WDR25: variants seen among roughly 807,000 people sequenced by gnomAD.
The protein encoded by WDR25 is WD repeat domain 25.
A neutral mutation model predicts 47.7 loss-of-function variants in WDR25; 35 were observed. The observed-to-expected ratio is 0.73, with a 90% CI of 0.56 to 0.97. WDR25 has a LOEUF of 0.97. WDR25 is among the 50% of genes least tolerant of loss of function. The pLI is 0.00. For missense variants in WDR25, 634 were observed against 704.7 expected (o/e 0.90, Z 1.14); for synonymous variants, 248 against 278.9 (o/e 0.89, Z 1.10).
chr14:100,476,402 C>G, intron 3 of WDR25: 1 of 152,276 alleles, frequency 6.6e-6, no homozygotes. Flanking sequence ...ATGAGTGTAA[C>G]GATATTGATT....
chr14:100,473,019 C>T (rs375334920), intron 3 of WDR25, among the ~76,000 whole-genome samples: 1 of 152,262 alleles, frequency 6.6e-6, no homozygotes, highest in Non-Finnish European at 1.5e-5. Flanking sequence ...TGGGACTGGG[C>T]TCATAAATGA....
At chr14:100,391,752 A>G (rs1009775201) in intron 2 of WDR25, among the ~76,000 whole-genome samples, 3 of 152,118 alleles carry the variant, frequency 2.0e-5, no homozygotes, top group African/African-American at 7.2e-5. Context: ...TTAATGCTGT[A>G]ATTTATTGCT....
chr14:100,487,903 C>T (rs1035365847), intron 4 of WDR25: 18 of 152,166 alleles, frequency 1.2e-4, no homozygotes, highest in African/African-American at 4.3e-4. Flanking sequence ...TAGGTTTCTG[C>T]CAACAGAACT....
intron 4 of WDR25, among the ~76,000 whole-genome samples, chr14:100,522,396 T>C (rs2029900532): frequency 1.3e-5 from 2 of 152,262 alleles, no homozygotes; most frequent in South Asian, 4.1e-4. Flanking sequence ...TTAATGTAAA[T>C]GTCAGTTGCT....
chr14:100,435,356 G>T (rs1452322850), intron 2 of WDR25, among the ~76,000 whole-genome samples: 1 of 152,350 alleles, frequency 6.6e-6, no homozygotes, highest in East Asian at 1.9e-4. Flanking sequence ...GGAGAAAGGA[G>T]GAGCTATTCC....
At position 100,479,438 on chromosome 14, in the gene WDR25, C is replaced by A. The variant is rs561512389; in HGVS notation, c.971-4556C>A. ...GTACATTTTTTTTTTTTAGGAATACCAGATTTCCAATTAGATCAATTCACC... is the reference window on the plus strand; with the variant it reads ...GTACATTTTTTTTTTTTAGGAATACAAGATTTCCAATTAGATCAATTCACC... On this transcript the variant is annotated intron_variant, in intron 3 of 6. Coordinates refer to ENST00000402312, the MANE Select transcript of WDR25 (RefSeq NM_001161476.3). Among the ~76,000 whole-genome samples the A allele has an allele frequency of 2.0e-5, 3 of 151,178 alleles. No homozygotes were observed. The South Asian group carries it at 6.3e-4, about 32-fold the overall frequency.
intron 4 of WDR25, among the ~76,000 whole-genome samples, chr14:100,524,550 T>C (rs947304743): frequency 2.6e-5 from 4 of 152,138 alleles, no homozygotes; most frequent in East Asian, 3.9e-4. Context: ...GCTTTTTTTT[T>C]CCACCCCTGG....
At position 100,404,613 on chromosome 14, in the gene WDR25, C is replaced by T. The variant is rs192219882; in HGVS notation, c.822+22867C>T. On this transcript the variant is annotated intron_variant, in intron 2 of 6. Transcript: ENST00000402312. The surrounding 1 kb of genome is among the most constrained non-coding windows in gnomAD (Gnocchi z 4.6). ...CATCCTTATCTCTGTAGTGCTTCCT[C>T]CCAGGCATAGGGTCCGCTGGAGGCC... is the stretch of plus-strand genomic sequence containing the variant. Among the ~76,000 whole-genome samples the T allele has an allele frequency of 6.6e-6, 1 of 152,186 alleles. No individual in the cohort carries two copies. Among genetic ancestry groups the T allele is most frequent in the African/African-American group, 2.4e-5 (1 of 41,452 alleles).
chr14:100,476,552 A>G (rs1255179736), intron 3 of WDR25: 1 of 152,240 alleles, frequency 6.6e-6, no homozygotes, highest in African/African-American at 2.4e-5. Context: ...AGGAGAAGCA[A>G]AGGTCACGAA....
At chr14:100,410,175 A>G (rs1897665134) in intron 2 of WDR25, among the ~76,000 whole-genome samples, 1 of 152,196 alleles carries the variant, frequency 6.6e-6, no homozygotes, top group Non-Finnish European at 1.5e-5. Flanking sequence ...AGATTAGGAA[A>G]AAGCCAGCGC....
chr14:100,399,690 G>A (rs549767612), intron 2 of WDR25, among the ~76,000 whole-genome samples: 1 of 152,300 alleles, frequency 6.6e-6, no homozygotes, highest in Admixed American at 6.5e-5. Context: ...TTGATTTCTA[G>A]AATCAGCTAA....
At chr14:100,483,552 A>G (rs1044946979) in intron 3 of WDR25, among the ~76,000 whole-genome samples, 2 of 152,182 alleles carry the variant, frequency 1.3e-5, no homozygotes, top group African/African-American at 2.4e-5. Context: ...ATCACCTTAG[A>G]ACAATCCTGT....
intron 4 of WDR25, among the ~76,000 whole-genome samples, chr14:100,492,809 TTAAC>T (rs1237852217): frequency 6.6e-6 from 1 of 152,188 alleles, no homozygotes. Flanking sequence ...TTAATATACT[TTAAC>T]TAAAAAAATT....
chr14:100,446,550 C>CAAAAAAA (rs55946078), intron 2 of WDR25, among the ~76,000 whole-genome samples: 14 of 75,002 alleles, frequency 1.9e-4, no homozygotes, highest in Admixed American at 2.9e-4. Flanking sequence ...GACTCCATCT[C>CAAAAAAA]AAAAAAAAAA....
At chr14:100,484,887 T>A (rs1002111288) in intron 4 of WDR25, among the ~76,000 whole-genome samples, 3 of 152,238 alleles carry the variant, frequency 2.0e-5, no homozygotes, top group Non-Finnish European at 4.4e-5. Context: ...CCTTGGAGGC[T>A]GTTCTCAACA....
intron 2 of WDR25, among the ~76,000 whole-genome samples, chr14:100,444,936 C>T (rs1177710468): frequency 1.3e-5 from 2 of 152,174 alleles, no homozygotes; most frequent in African/African-American, 4.8e-5. Flanking sequence ...GGAAGATTAG[C>T]CCCGTTTTCT....
intron 2 of WDR25, among the ~76,000 whole-genome samples, chr14:100,465,216 TA>T (rs1953177429): frequency 6.6e-6 from 1 of 152,146 alleles, no homozygotes; most frequent in South Asian, 2.1e-4. Flanking sequence ...ATACACAGCA[TA>T]AAATTGACCA....
intron 2 of WDR25, among the ~76,000 whole-genome samples, chr14:100,459,849 C>A (rs890935294): frequency 2.1e-5 from 3 of 141,698 alleles, no homozygotes; most frequent in Admixed American, 1.4e-4. Flanking sequence ...GTCATGGCAG[C>A]CCTGGGAAAT....
At position 100,390,597 on chromosome 14, in the gene WDR25, C is replaced by T. The variant is rs568093487; in HGVS notation, c.822+8851C>T. Among the ~76,000 whole-genome samples, 10 of 152,326 alleles carry T rather than the reference C, an allele frequency of 6.6e-5. No homozygotes were observed. In the East Asian group the frequency reaches 1.9e-3, roughly 29 times the overall value. On this transcript the variant is annotated intron_variant, in intron 2 of 6. Transcript: ENST00000402312. The stretch of plus-strand genomic sequence containing the variant: ...GGGAGGTGTCTTCTCTGGGTGGGCT[C>T]TTGGCCTGCTGCCAGCCTTCCGGCA...
Sources: allele counts gnomAD v4.1 joint callset (sites outside exome capture counted in the v4.1 genomes callset), GRCh38; gene constraint gnomAD v4.1.1; non-coding constraint Gnocchi (gnomAD v3.1); transcripts MANE v1.5; gene names NCBI Gene and HGNC (gene_info 2026-07-23, HGNC 2026-07-21).